The following RBFOX1 variants were observed in gnomAD, a reference collection of about 807,000 sequenced individuals.
RBFOX1 encodes RNA binding protein fox-1 homolog 1.
Under a neutral mutation model 57.7 loss-of-function variants are expected in RBFOX1, and 8 were observed. The ratio of observed to expected loss-of-function variants is 0.14; its 90% CI spans 0.08 to 0.25. The LOEUF is 0.25. Ranked by LOEUF, RBFOX1 falls within the 10% of genes least tolerant of loss-of-function variation. RBFOX1 has a pLI of 1.00. For missense variants in RBFOX1, 611 were observed against 548.5 expected, an observed-to-expected ratio of 1.11 and a Z score of -1.14; for synonymous variants, 326 against 222.4, an observed-to-expected ratio of 1.47 and a Z score of -4.15.
At chr16:5,276,073 A>G (rs1226600577) in intron 1 of RBFOX1, among the ~76,000 whole-genome samples, 1 of 152,262 alleles carries the variant, frequency 6.6e-6, no homozygotes, top group African/African-American at 2.4e-5. Flanking sequence ...GTCTGAAACC[A>G]TAAAAATTCT....
chr16:6,715,594 G>A (rs369787173), intron 3 of RBFOX1, among the ~76,000 whole-genome samples: 1 of 152,142 alleles, frequency 6.6e-6, no homozygotes, highest in Non-Finnish European at 1.5e-5. Context: ...ATCCAGATTG[G>A]CTGAGCTAGT....
chr16:5,545,613 TTC>T (rs1351296894), intron 2 of RBFOX1, among the ~76,000 whole-genome samples: 1 of 152,136 alleles, frequency 6.6e-6, no homozygotes, highest in Admixed American at 6.5e-5. Flanking sequence ...ACATGATCAT[TTC>T]AATGGATACA....
chr16:7,529,624 C>A (rs1372026980), intron 5 of RBFOX1, among the ~76,000 whole-genome samples: 1 of 152,112 alleles, frequency 6.6e-6, no homozygotes, highest in Non-Finnish European at 1.5e-5. Context: ...TCTGGGTTCT[C>A]CTGTTCACTA....
rs146611352 is a variant in RBFOX1, at chr16:6,536,316, A to C, written c.-63-118287A>C. Reference sequence around the variant, plus strand: ...CAAATCTCGTGGGAAGGAAAAAAATAGATATCACTTTGCAATTTATGTTTT... The same window carrying C: ...CAAATCTCGTGGGAAGGAAAAAAATCGATATCACTTTGCAATTTATGTTTT... On this transcript the variant is annotated intron_variant, in intron 2 of 15. Transcript: ENST00000550418. Among the ~76,000 whole-genome samples, 1,261 of 152,338 alleles carry C rather than the reference A, an allele frequency of 8.3e-3. 23 individuals are homozygous for C. Among genetic ancestry groups the C allele is most frequent in the African/African-American group, 0.029 (1,220 of 41,578 alleles).
At chr16:5,866,582 G>C (rs2057347890) in intron 3 of RBFOX1, among the ~76,000 whole-genome samples, 1 of 152,188 alleles carries the variant, frequency 6.6e-6, no homozygotes, top group Admixed American at 6.5e-5. Flanking sequence ...AATGTTGGGA[G>C]GTGTCTACAC....
rs561986936 is a variant in RBFOX1 at position 7,518,098 on chromosome 16, T to C, written c.28-49T>C. The C allele has an allele frequency of 3.8e-6, 6 of 1,570,310 alleles. No individual in the cohort carries two copies. The African/African-American group carries it at 6.7e-5, about 18-fold the overall frequency. ...ATCTGGGAGGAAGGTTTCTGCATGG[T>C]GGCTCCTCATGACGTTCTCTCCCTC... On this transcript the variant is annotated intron_variant, in intron 4 of 15. Transcript: ENST00000550418.
At chr16:5,767,294 C>T (rs75819547) in intron 3 of RBFOX1, among the ~76,000 whole-genome samples, 2,517 of 152,284 alleles carry the variant, frequency 0.017, 84 homozygotes, top group African/African-American at 0.057. Flanking sequence ...GAGAGCTGCT[C>T]ATGGTTGAAG....
At chr16:7,222,790 C>A (rs953043879) in intron 4 of RBFOX1, among the ~76,000 whole-genome samples, 2 of 152,228 alleles carry the variant, frequency 1.3e-5, no homozygotes, top group African/African-American at 4.8e-5. Context: ...TGCCATTTCA[C>A]AACTATCAGG....
At chr16:7,567,147 A>G (rs201854099) in intron 5 of RBFOX1, among the ~76,000 whole-genome samples, 1 of 31,556 alleles carries the variant, frequency 3.2e-5, no homozygotes, top group African/African-American at 7.1e-5. Flanking sequence ...ATCCATATAT[A>G]TCCCTATATA....
At chr16:6,492,174 ATATTG>A (rs777226747) in intron 2 of RBFOX1, among the ~76,000 whole-genome samples, 20 of 152,178 alleles carry the variant, frequency 1.3e-4, no homozygotes, top group Non-Finnish European at 1.9e-4. Flanking sequence ...AAAGTTTTAT[ATATTG>A]TATTGGAAAA....
chr16:7,137,975 A>T (rs1363382462), intron 4 of RBFOX1, among the ~76,000 whole-genome samples: 2 of 152,202 alleles, frequency 1.3e-5, no homozygotes, highest in Non-Finnish European at 2.9e-5. Flanking sequence ...ATGGTTTTAC[A>T]GATGAGAAAA....
rs74365161 is a variant in RBFOX1 at position 5,393,389 on chromosome 16, G to A, written c.220-73827G>A. ...CAGCCCTGCCTGAAGGATCTGCCAA[G>A]AAGGTTGATCTCCCTTCTGCTTTTA... On this transcript the variant is annotated intron_variant, in intron 1 of 2. Coordinates refer to the RBFOX1 transcript ENST00000585867. Among the ~76,000 whole-genome samples, 20 of 152,356 alleles carry A rather than the reference G, an allele frequency of 1.3e-4. 1 individual carries two copies. The East Asian group carries it at 3.3e-3, about 25-fold the overall frequency.
At chr16:6,932,490 A>T (rs564383273) in intron 3 of RBFOX1, among the ~76,000 whole-genome samples, 94 of 152,278 alleles carry the variant, frequency 6.2e-4, no homozygotes, top group Middle Eastern at 6.8e-3. Flanking sequence ...TTAAAACCAT[A>T]GCCCTTCTTG....
intron 2 of RBFOX1, among the ~76,000 whole-genome samples, chr16:6,437,932 C>A (rs566458265): frequency 1.3e-5 from 2 of 152,200 alleles, no homozygotes; most frequent in East Asian, 3.9e-4. Flanking sequence ...GGACACAGAG[C>A]CAAACCATAT....
chr16:7,491,999 C>G (rs997421640), intron 4 of RBFOX1, among the ~76,000 whole-genome samples: 4 of 152,176 alleles, frequency 2.6e-5, no homozygotes, highest in African/African-American at 4.8e-5. Flanking sequence ...TGATAACACT[C>G]TACTCAGCCT....
intron 1 of RBFOX1, among the ~76,000 whole-genome samples, chr16:6,090,988 T>C (rs1252986578): frequency 6.6e-6 from 1 of 152,262 alleles, no homozygotes; most frequent in Non-Finnish European, 1.5e-5. Context: ...CCCATGCATG[T>C]GCAATGGTCA....
At chr16:7,269,536 C>T (rs967938451) in intron 4 of RBFOX1, among the ~76,000 whole-genome samples, 7 of 151,992 alleles carry the variant, frequency 4.6e-5, no homozygotes, top group Admixed American at 4.6e-4. Flanking sequence ...TAGAATTTAT[C>T]GTATAATTTT....
At chr16:7,589,912 G>GGGGTGTGTGTGTGTGT (rs71394324) in intron 7 of RBFOX1, among the ~76,000 whole-genome samples, 4 of 134,946 alleles carry the variant, frequency 3.0e-5, no homozygotes, top group East Asian at 4.5e-4. Context: ...GTGTGTGCTG[G>GGGGTGTGTGTGTGTGT]GTGTGTGTGT....
intron 3 of RBFOX1, among the ~76,000 whole-genome samples, chr16:6,878,574 T>C (rs1030145196): frequency 3.9e-5 from 6 of 152,186 alleles, no homozygotes; most frequent in African/African-American, 1.2e-4. Flanking sequence ...ACATGGCGCA[T>C]CCTGACTGAC....
Sources: gnomAD v4.1 joint callset for allele counts (sites outside exome capture counted in the v4.1 genomes callset) on GRCh38, gnomAD v4.1.1 for gene constraint, MANE v1.5 for transcripts, NCBI Gene and HGNC (gene_info 2026-07-23, HGNC 2026-07-21) for gene names.